CIMIP7: variants seen among roughly 807,000 people sequenced by gnomAD.
CIMIP7 encodes the protein ciliary microtubule inner protein 7.
chr3:49,189,270 AT>A, the CIMIP7 span, among the ~76,000 whole-genome samples: 357 of 140,806 alleles, frequency 2.5e-3, 3 homozygotes, highest in East Asian at 0.031. Context: ...CACCTTGCCT[AT>A]TTTTTTTTTT....
chr3:49,184,175 T>G, the CIMIP7 span, among the ~76,000 whole-genome samples: 3 of 152,174 alleles, frequency 2.0e-5, no homozygotes, highest in Non-Finnish European at 4.4e-5. Context: ...TTGTTTAACT[T>G]TTTTTAAGAG....
At chr3:49,187,037 T>G in the CIMIP7 span, among the ~76,000 whole-genome samples, 25 of 152,226 alleles carry the variant, frequency 1.6e-4, no homozygotes, top group African/African-American at 5.8e-4. Context: ...GAATTACACT[T>G]AGCCCTAGAA....
the CIMIP7 span, among the ~76,000 whole-genome samples, chr3:49,179,928 AG>A: frequency 1.3e-5 from 2 of 152,326 alleles, no homozygotes; most frequent in Middle Eastern, 3.4e-3. Context: ...ACCTGAGGTC[AG>A]GAGTTTGAGA....
chr3:49,183,497 T>C, the CIMIP7 span, among the ~76,000 whole-genome samples: 1 of 152,070 alleles, frequency 6.6e-6, no homozygotes, highest in Admixed American at 6.5e-5. Context: ...GCCTGGCCAA[T>C]ATGGTGAAAC....
chr3:49,184,031 C>T, the CIMIP7 span, among the ~76,000 whole-genome samples: 1 of 152,240 alleles, frequency 6.6e-6, no homozygotes, highest in Non-Finnish European at 1.5e-5. Flanking sequence ...CAAGGTCTCA[C>T]TCTGTTGCCA....
chr3:49,185,704 T>TC, the CIMIP7 span, among the ~76,000 whole-genome samples: 32 of 151,108 alleles, frequency 2.1e-4, no homozygotes, highest in African/African-American at 6.5e-4. Flanking sequence ...TTTTTTTTTT[T>TC]CCCCGAGACG....
At chr3:49,186,990 AC>A in the CIMIP7 span, among the ~76,000 whole-genome samples, 2 of 152,192 alleles carry the variant, frequency 1.3e-5, no homozygotes, top group Non-Finnish European at 2.9e-5. Flanking sequence ...GTTTCAATTG[AC>A]CCCCAAATTT....
At chr3:49,184,879 C>T in the CIMIP7 span, among the ~76,000 whole-genome samples, 3 of 151,692 alleles carry the variant, frequency 2.0e-5, no homozygotes, top group Admixed American at 6.6e-5. Flanking sequence ...ATCCACCCAC[C>T]TCGGCCTCCC....
At chr3:49,190,409 C>T in the CIMIP7 span, among the ~76,000 whole-genome samples, 1 of 151,688 alleles carries the variant, frequency 6.6e-6, no homozygotes, top group Admixed American at 6.6e-5. Context: ...TCATTTAGAG[C>T]AGAGATTTGT....
chr3:49,179,797 C>T, the CIMIP7 span, among the ~76,000 whole-genome samples: 1 of 152,216 alleles, frequency 6.6e-6, no homozygotes, highest in African/African-American at 2.4e-5. Flanking sequence ...TCTATAACTT[C>T]AGCACTGAGA....
chr3:49,189,381 G>A, the CIMIP7 span, among the ~76,000 whole-genome samples: 1 of 152,114 alleles, frequency 6.6e-6, no homozygotes, highest in Non-Finnish European at 1.5e-5. Flanking sequence ...AAAGTGCTAG[G>A]ATTACAGGCG....
the CIMIP7 span, chr3:49,189,784 G>A: frequency 1.8e-5 from 12 of 650,542 alleles, no homozygotes; most frequent in Middle Eastern, 4.1e-4. Flanking sequence ...TACCCACCCC[G>A]GCTAGGCCCT....
At chr3:49,177,977 G>A in the CIMIP7 span, 26 of 1,613,136 alleles carry the variant, frequency 1.6e-5, no homozygotes, top group South Asian at 2.1e-4. Flanking sequence ...GGTGCCCAGC[G>A]CAGGAAGGTG....
chr3:49,181,992 C>A, the CIMIP7 span, among the ~76,000 whole-genome samples: 3 of 151,918 alleles, frequency 2.0e-5, no homozygotes, highest in African/African-American at 7.3e-5. Context: ...CAGACCTCCG[C>A]GGTGAGTGTT....
At chr3:49,186,735 T>TAC in the CIMIP7 span, among the ~76,000 whole-genome samples, 18 of 152,146 alleles carry the variant, frequency 1.2e-4, no homozygotes, top group South Asian at 2.1e-4. Flanking sequence ...TAGCTCTTAA[T>TAC]ACACACACAC....
At chr3:49,182,949 G>A in the CIMIP7 span, among the ~76,000 whole-genome samples, 29 of 152,292 alleles carry the variant, frequency 1.9e-4, no homozygotes, top group African/African-American at 6.5e-4. Flanking sequence ...CGGAACTCAC[G>A]CTGGCCGGCA....
At chr3:49,188,792 AT>A in the CIMIP7 span, among the ~76,000 whole-genome samples, 1 of 151,718 alleles carries the variant, frequency 6.6e-6, no homozygotes, top group Non-Finnish European at 1.5e-5. Flanking sequence ...TTATTTATTT[AT>A]TTTTTATGTT....
the CIMIP7 span, chr3:49,178,629 A>G: frequency 8.8e-7 from 1 of 1,142,496 alleles, no homozygotes; most frequent in Non-Finnish European, 1.3e-6. Flanking sequence ...TCCTTAATGG[A>G]GGGAAGTCAC....
At chr3:49,182,994 T>A in the CIMIP7 span, among the ~76,000 whole-genome samples, 2 of 152,052 alleles carry the variant, frequency 1.3e-5, no homozygotes, top group Non-Finnish European at 2.9e-5. Context: ...CCCTCTGGCC[T>A]CTCCCTCCAT....
Sources: allele counts gnomAD v4.1 joint callset (sites outside exome capture counted in the v4.1 genomes callset), GRCh38; gene constraint gnomAD v4.1.1; transcripts MANE v1.5; gene names NCBI Gene and HGNC (gene_info 2026-07-23, HGNC 2026-07-21).